Variants in DOK6 observed in about 807,000 individuals in gnomAD.
The protein encoded by DOK6 is downstream of tyrosine kinase 6.
In DOK6, 22 loss-of-function variants were observed where a neutral mutation model predicts 44.0. The ratio of observed to expected loss-of-function variants is 0.50; its 90% CI spans 0.36 to 0.71. The LOEUF is 0.71. Among genes scored for constraint, DOK6 ranks in the 30% least tolerant of loss-of-function variants. DOK6 has a pLI of 0.00. For synonymous variants in DOK6, 166 were observed against 145.5 expected (o/e 1.14, Z -1.01); for missense variants, 340 against 416.4 (o/e 0.82, Z 1.60).
rs1036842 is a variant in DOK6 at position 69,549,483 on chromosome 18, G to A, written c.67-15004G>A. ...CCTGCTCCCTCTACAAATTCTTATC[G>A]TGAAAGTTAACATTTTAAAGTTCAT... On this transcript the variant is annotated intron_variant, in intron 1 of 7. Transcript: ENST00000382713. Among the ~76,000 whole-genome samples the A allele has an allele frequency of 7.4e-3, 1,119 of 151,558 alleles. 21 individuals are homozygous for A. Among genetic ancestry groups the A allele is most frequent in the African/African-American group, 0.026 (1,061 of 41,418 alleles).
intron 1 of DOK6, among the ~76,000 whole-genome samples, chr18:69,452,070 A>T (rs1221263181): frequency 2.0e-5 from 3 of 151,762 alleles, no homozygotes; most frequent in African/African-American, 7.3e-5. Flanking sequence ...ATCAGAGCAG[A>T]ACTGAAGGAA....
chr18:69,606,629 T>G lies in DOK6; in HGVS notation c.289+7131T>G, dbSNP rs181153603. On this transcript the variant is annotated intron_variant, in intron 3 of 7. Coordinates refer to ENST00000382713, the MANE Select transcript of DOK6 (RefSeq NM_152721.6). Reference sequence around the variant, plus strand: ...TGTTTGCAGATGACATGATCCTACATGTAGAAACCCTAAGACTCCATTTAA... The same window carrying G: ...TGTTTGCAGATGACATGATCCTACAGGTAGAAACCCTAAGACTCCATTTAA... Among the ~76,000 whole-genome samples the G allele has an allele frequency of 2.0e-5, 3 of 151,902 alleles. No individual in the cohort carries two copies. In the East Asian group the frequency reaches 5.8e-4, roughly 29 times the overall value.
intron 1 of DOK6, among the ~76,000 whole-genome samples, chr18:69,401,882 G>C (rs1393930440): frequency 6.6e-6 from 1 of 152,116 alleles, no homozygotes; most frequent in Non-Finnish European, 1.5e-5. Flanking sequence ...CCGCGCCCGC[G>C]TGCAGGCAGG....
intron 7 of DOK6, among the ~76,000 whole-genome samples, chr18:69,820,258 A>G (rs1252447924): frequency 1.3e-5 from 2 of 152,210 alleles, no homozygotes; most frequent in African/African-American, 4.8e-5. Context: ...CTAATACCCC[A>G]ATCACAAATA....
At chr18:69,792,057 A>G (rs1980616918) in intron 7 of DOK6, among the ~76,000 whole-genome samples, 1 of 151,986 alleles carries the variant, frequency 6.6e-6, no homozygotes, top group Non-Finnish European at 1.5e-5. Context: ...AAATGAATTC[A>G]CTGTAGATGT....
At chr18:69,470,624 C>G (rs1354047088) in intron 1 of DOK6, among the ~76,000 whole-genome samples, 3 of 152,094 alleles carry the variant, frequency 2.0e-5, no homozygotes, top group Non-Finnish European at 4.4e-5. Context: ...TCTTCCCCAC[C>G]CTGAAGACTC....
At chr18:69,665,792 C>A (rs2144675768) in intron 3 of DOK6, among the ~76,000 whole-genome samples, 1 of 151,530 alleles carries the variant, frequency 6.6e-6, no homozygotes, top group Non-Finnish European at 1.5e-5. Flanking sequence ...TAGTTACACC[C>A]ACAGTTTTGA....
chr18:69,461,132 C>T (rs1486754904), intron 1 of DOK6, among the ~76,000 whole-genome samples: 1 of 152,122 alleles, frequency 6.6e-6, no homozygotes, highest in Non-Finnish European at 1.5e-5. Flanking sequence ...AAAGCAAGCA[C>T]ATTCTTTTTT....
intron 5 of DOK6, among the ~76,000 whole-genome samples, chr18:69,719,154 G>A (rs1422187627): frequency 6.6e-6 from 1 of 152,212 alleles, no homozygotes; most frequent in Non-Finnish European, 1.5e-5. Context: ...AAGGACAGGA[G>A]ATGTTTCTCA....
chr18:69,606,875 G>A (rs1214255122), intron 3 of DOK6, among the ~76,000 whole-genome samples: 1 of 148,904 alleles, frequency 6.7e-6, no homozygotes, highest in Admixed American at 6.9e-5. Flanking sequence ...GCAACTCTCT[G>A]CCTTAGCCTA....
intron 1 of DOK6, among the ~76,000 whole-genome samples, chr18:69,500,452 T>A (rs1164530113): frequency 6.6e-6 from 1 of 152,086 alleles, no homozygotes; most frequent in Non-Finnish European, 1.5e-5. Context: ...GCTTCCTAAC[T>A]TTACCTTCCA....
chr18:69,739,825 A>C (rs932357606), intron 6 of DOK6, among the ~76,000 whole-genome samples: 1 of 152,202 alleles, frequency 6.6e-6, no homozygotes, highest in African/African-American at 2.4e-5. Context: ...ATCAGAGTTC[A>C]TCTATAGAAG....
intron 3 of DOK6, among the ~76,000 whole-genome samples, chr18:69,607,172 T>C (rs1016358129): frequency 2.0e-5 from 3 of 152,134 alleles, no homozygotes; most frequent in African/African-American, 4.8e-5. Flanking sequence ...CCAGCACATA[T>C]TGCAACAAGC....
At chr18:69,761,612 G>T (rs1410759952) in intron 7 of DOK6, among the ~76,000 whole-genome samples, 1 of 152,128 alleles carries the variant, frequency 6.6e-6, no homozygotes, top group African/African-American at 2.4e-5. Flanking sequence ...CTTGCTACCC[G>T]TCAGGGCTGA....
intron 2 of DOK6, among the ~76,000 whole-genome samples, chr18:69,579,017 AT>A (rs1442536260): frequency 3.6e-4 from 55 of 152,202 alleles, no homozygotes; most frequent in Admixed American, 7.2e-4. Context: ...CCTTTGAAGT[AT>A]CTTAATTTGC....
rs1982372498 is a variant in DOK6, at chr18:69,847,579, C to T, written c.*6196C>T. The T allele has an allele frequency of 1.3e-5, 2 of 151,862 alleles. No homozygotes were observed. The highest frequency in any genetic ancestry group is 4.2e-4 in the South Asian group (2 of 4,818). 9.4% of individuals were successfully genotyped at this position (151,862 alleles called of 1,614,324 possible). On this transcript the variant is annotated 3_prime_UTR_variant, in exon 8 of 8. Coordinates refer to ENST00000382713, the MANE Select transcript of DOK6 (RefSeq NM_152721.6). The stretch of plus-strand genomic sequence containing the variant: ...TCTGAAAATGGTTGAGAAAGTAGTT[C>T]CAGATCATTAACTATTTTACAGAGG...
At chr18:69,555,361 T>G (rs1311290529) in intron 1 of DOK6, among the ~76,000 whole-genome samples, 1 of 152,164 alleles carries the variant, frequency 6.6e-6, no homozygotes, top group South Asian at 2.1e-4. Context: ...ATTGTAGCAG[T>G]TTTTTGAAAT....
intron 2 of DOK6, among the ~76,000 whole-genome samples, chr18:69,570,755 C>A (rs544014475): frequency 6.6e-6 from 1 of 152,118 alleles, no homozygotes; most frequent in Non-Finnish European, 1.5e-5. Context: ...TGTGGGACAT[C>A]TTTAGGATGA....
chr18:69,821,235 C>G (rs1226313905), intron 7 of DOK6, among the ~76,000 whole-genome samples: 1 of 152,120 alleles, frequency 6.6e-6, no homozygotes, highest in Admixed American at 6.6e-5. Flanking sequence ...TCTCGACTTG[C>G]TGCTCATACT....
Sources: allele counts gnomAD v4.1 joint callset (sites outside exome capture counted in the v4.1 genomes callset), GRCh38; gene constraint gnomAD v4.1.1; transcripts MANE v1.5; gene names NCBI Gene and HGNC (gene_info 2026-07-23, HGNC 2026-07-21).